The following PLPP3 variants were observed in gnomAD, a reference collection of about 807,000 sequenced individuals.
The protein encoded by PLPP3 is PAP2 beta.
In PLPP3, 6 loss-of-function variants were observed where a neutral mutation model predicts 29.6. That is an observed-to-expected ratio of 0.20 (90% confidence interval 0.11 to 0.40). The LOEUF (loss-of-function observed/expected upper bound fraction) is 0.40, where lower values mean the gene tolerates loss of function less well. Ranked by LOEUF, PLPP3 falls within the 10% of genes least tolerant of loss-of-function variation. The pLI, the probability that PLPP3 is intolerant of heterozygous loss-of-function variation, is 1.00. For synonymous variants in PLPP3, 152 were observed against 159.7 expected (o/e 0.95, Z 0.36); for missense variants, 308 against 407.7 (o/e 0.76, Z 2.11).
At chr1:56,506,293 C>T (rs1021988047) in intron 5 of PLPP3, among the ~76,000 whole-genome samples, 6 of 152,170 alleles carry the variant, frequency 3.9e-5, no homozygotes, top group Admixed American at 2.0e-4. Flanking sequence ...CGTGTCCTGG[C>T]CTCTCCCTGC....
At chr1:56,550,257 C>T (rs954575537) in intron 1 of PLPP3, among the ~76,000 whole-genome samples, 2 of 152,128 alleles carry the variant, frequency 1.3e-5, no homozygotes, top group Admixed American at 1.3e-4. Context: ...GTAAGGCATT[C>T]GGATACACTG....
intron 1 of PLPP3, among the ~76,000 whole-genome samples, chr1:56,555,451 A>C (rs10789027): frequency 0.1 from 14,589 of 142,216 alleles, 1,356 homozygotes; most frequent in South Asian, 0.34. Flanking sequence ...AAAAAAAAAA[A>C]AAAAAAAAAC....
chr1:56,528,444 G>A lies in PLPP3; in HGVS notation c.298-3890C>T, dbSNP rs562707022. Reference sequence around the variant, plus strand: ...TTGGGAAAAGATAGAGCAAGAGGTGGTGAAAGAAGCAACAACGTTGTAGCC... The same window carrying A: ...TTGGGAAAAGATAGAGCAAGAGGTGATGAAAGAAGCAACAACGTTGTAGCC... On this transcript the variant is annotated intron_variant, in intron 2 of 5. Transcript: ENST00000371250. Among the ~76,000 whole-genome samples, 3 of 152,250 alleles carry A rather than the reference G, an allele frequency of 2.0e-5. No homozygotes were observed. The South Asian group carries it at 6.2e-4, about 32-fold the overall frequency.
At chr1:56,515,730 C>T (rs1466899423) in intron 4 of PLPP3, among the ~76,000 whole-genome samples, 4 of 152,134 alleles carry the variant, frequency 2.6e-5, no homozygotes, top group African/African-American at 7.2e-5. Flanking sequence ...CAGCACTGAT[C>T]CTGGTGTCTG....
In PLPP3 at chr1:56,504,339, G is replaced by A. The variant is rs1645687785; in HGVS notation, c.810+7637C>T. On this transcript the variant is annotated intron_variant, in intron 5 of 5. Coordinates refer to ENST00000371250, the MANE Select transcript of PLPP3 (RefSeq NM_003713.5). ...TTGTGGGCAATACTGATGGAGAACA[G>A]GAATCTATGCCAAGGAACCTTCCAG... is the stretch of plus-strand genomic sequence containing the variant. 2.0e-5 allele frequency among the ~76,000 whole-genome samples: 3 copies of A among 152,090 alleles called. No homozygotes were observed. In the South Asian group the frequency reaches 6.2e-4, roughly 32 times the overall value.
At chr1:56,569,375 T>A (rs1646182574) in intron 1 of PLPP3, among the ~76,000 whole-genome samples, 1 of 152,028 alleles carries the variant, frequency 6.6e-6, no homozygotes, top group African/African-American at 2.4e-5. Context: ...GGTTTCACTA[T>A]GTTGGCCAGG....
chr1:56,520,772 G>T (rs1044826416), intron 4 of PLPP3, among the ~76,000 whole-genome samples: 5 of 151,396 alleles, frequency 3.3e-5, no homozygotes, highest in African/African-American at 1.2e-4. Context: ...TTTGCTGGGT[G>T]TGGTGCCACA....
chr1:56,571,337 C>G (rs1646196941), intron 1 of PLPP3, among the ~76,000 whole-genome samples: 1 of 152,188 alleles, frequency 6.6e-6, no homozygotes, highest in Non-Finnish European at 1.5e-5. Flanking sequence ...CACACAGAAT[C>G]TCATTTCGTA....
At chr1:56,548,908 AG>A (rs1646022166) in intron 1 of PLPP3, among the ~76,000 whole-genome samples, 2 of 152,204 alleles carry the variant, frequency 1.3e-5, no homozygotes, top group South Asian at 2.1e-4. Flanking sequence ...AAAAAAAAAA[AG>A]ATCCAGAACT....
chr1:56,573,637 C>T (rs1368939912), intron 1 of PLPP3, among the ~76,000 whole-genome samples: 1 of 152,160 alleles, frequency 6.6e-6, no homozygotes, highest in Non-Finnish European at 1.5e-5. Flanking sequence ...GTATTTCATA[C>T]CAGATAGGCC....
intron 4 of PLPP3, among the ~76,000 whole-genome samples, chr1:56,514,550 A>C (rs72664332): frequency 0.08 from 12,143 of 152,180 alleles, 477 homozygotes; most frequent in Middle Eastern, 0.11. Flanking sequence ...TATTCCACTG[A>C]ATATTAAGGG....
chr1:56,557,548 G>A (rs755239857), intron 1 of PLPP3, among the ~76,000 whole-genome samples: 11 of 152,120 alleles, frequency 7.2e-5, no homozygotes, highest in East Asian at 3.9e-4. Flanking sequence ...GTTGATACAC[G>A]TATAATTAAG....
rs80300950 is a variant in PLPP3, at chr1:56,515,654, AGAT to A, written c.634-3505_634-3503del. On this transcript the variant is annotated intron_variant, in intron 4 of 5. Coordinates refer to ENST00000371250, the MANE Select transcript of PLPP3 (RefSeq NM_003713.5). ...CAGTCAGTCAGACATCACAGTAAGC[AGAT>A]GAGAGCTTGTTCCCTGATATCCATC... 4.3e-3 allele frequency among the ~76,000 whole-genome samples: 661 copies of A among 152,344 alleles called. 12 individuals carry two copies. Among genetic ancestry groups the A allele is most frequent in the East Asian group, 0.035 (179 of 5,186 alleles).
At chr1:56,569,616 T>TA (rs1646184274) in intron 1 of PLPP3, among the ~76,000 whole-genome samples, 2 of 152,032 alleles carry the variant, frequency 1.3e-5, no homozygotes, top group African/African-American at 2.4e-5. Flanking sequence ...AAGATAAAAA[T>TA]AAAAAGAAAA....
intron 5 of PLPP3, among the ~76,000 whole-genome samples, chr1:56,508,644 G>A (rs994030769): frequency 5.9e-5 from 9 of 152,274 alleles, no homozygotes; most frequent in Admixed American, 4.6e-4. Flanking sequence ...GCCCTGATTC[G>A]TGGGGAAGAG....
chr1:56,506,198 A>T (rs1416398102), intron 5 of PLPP3, among the ~76,000 whole-genome samples: 2 of 152,202 alleles, frequency 1.3e-5, no homozygotes, highest in Non-Finnish European at 2.9e-5. Context: ...ATGGCTAAGC[A>T]TGCTTGGAAT....
intron 1 of PLPP3, among the ~76,000 whole-genome samples, chr1:56,547,788 C>T (rs1646015735): frequency 6.6e-6 from 1 of 152,132 alleles, no homozygotes; most frequent in Admixed American, 6.5e-5. Context: ...AAAGACAGCT[C>T]CAAGTAAGAG....
At chr1:56,542,171 T>G (rs1386095874) in intron 1 of PLPP3, among the ~76,000 whole-genome samples, 1 of 152,180 alleles carries the variant, frequency 6.6e-6, no homozygotes, top group Non-Finnish European at 1.5e-5. Flanking sequence ...GCCCCTGTGT[T>G]GGGTTCAGGC....
intron 1 of PLPP3, among the ~76,000 whole-genome samples, chr1:56,553,892 T>C (rs1646056319): frequency 6.6e-6 from 1 of 152,190 alleles, no homozygotes; most frequent in Non-Finnish European, 1.5e-5. Flanking sequence ...ATACAATGCC[T>C]GGCACACAGA....
Sources: gnomAD v4.1 joint callset for allele counts (sites outside exome capture counted in the v4.1 genomes callset) on GRCh38, gnomAD v4.1.1 for gene constraint, MANE v1.5 for transcripts, NCBI Gene and HGNC (gene_info 2026-07-23, HGNC 2026-07-21) for gene names.